Variants in COL4A6 observed in about 807,000 individuals in gnomAD.
COL4A6 encodes the protein collagen type IV alpha 6 chain, also known as collagen alpha-6(IV) chain.
A neutral mutation model predicts 126.7 loss-of-function variants in COL4A6; 59 were observed. The observed-to-expected ratio is 0.47, with a 90% CI of 0.38 to 0.58. COL4A6 has a LOEUF of 0.58. COL4A6 is among the 20% of genes least tolerant of loss of function. COL4A6 has a pLI of 0.00. For missense variants in COL4A6, 1,285 were observed against 1,337.3 expected, an observed-to-expected ratio of 0.96 and a Z score of 0.61; for synonymous variants, 547 against 496.6, an observed-to-expected ratio of 1.10 and a Z score of -1.35.
In COL4A6 at chrX:108,156,464, ACCT is replaced by A. The variant is rs1370078599; in HGVS notation, c.*533_*535del. 1 of 113,813 alleles carries A rather than the reference ACCT, an allele frequency of 8.8e-6. No individual in the cohort carries two copies. The highest frequency in any genetic ancestry group is 3.2e-5 in the African/African-American group (1 of 30,779). 9.4% of individuals were successfully genotyped at this position (113,813 alleles called of 1,213,427 possible). On this transcript the variant is annotated 3_prime_UTR_variant, in exon 45 of 45. Coordinates refer to ENST00000334504, the MANE Select transcript of COL4A6 (RefSeq NM_033641.4). ...AGCTCACTCTGGGCTACTGGGTGGC[ACCT>A]CATTTCAATTCTCTTGCCTGCCTAG...
At chrX:108,190,310 C>T (rs1183659615) in intron 20 of COL4A6, 82 bp downstream of exon 20, 7 of 636,268 alleles carry the variant, frequency 1.1e-5, no homozygotes, top group Admixed American at 5.7e-5. Context: ...TTTAGGTTCC[C>T]GAGGCTGTTG....
chrX:108,232,313 A>C (rs761407589), intron 3 of COL4A6, among the ~76,000 whole-genome samples: 74 of 111,994 alleles, frequency 6.6e-4, no homozygotes, highest in Non-Finnish European at 1.1e-3. Flanking sequence ...AAGAATAAAA[A>C]AATCACATAA....
At chrX:108,266,154 A>C (rs189538719) in intron 3 of COL4A6, among the ~76,000 whole-genome samples, 363 of 111,629 alleles carry the variant, frequency 3.3e-3, no homozygotes, top group Admixed American at 7.0e-3. Context: ...ACTTGGCTTA[A>C]AATGAACCTT....
rs2295920 is a variant in COL4A6, at chrX:108,214,121, G to C, written c.432C>G (p.Leu144=). ...ATATCTGGCAGCATACGGGTGGTCC[G>C]AGAAGCCCAGGATAGCCATCAGGGC... ...FPGPDGYPGL[L]GPPGLPGQKG... is the part of the protein sequence containing the mutation. The change falls in exon 6 of 45, where the codon CTC becomes CTG. Residue 144 remains leucine (L), a synonymous_variant. Coordinates refer to ENST00000334504, the MANE Select transcript of COL4A6 (RefSeq NM_033641.4). 8.3e-7 allele frequency: 1 copy of C among 1,205,204 alleles called. No individual in the cohort carries two copies. The highest frequency in any genetic ancestry group is 1.7e-5 in the African/African-American group (1 of 57,531).
intron 3 of COL4A6, among the ~76,000 whole-genome samples, chrX:108,298,232 A>G (rs779449461): frequency 1.8e-4 from 20 of 112,147 alleles, no homozygotes; most frequent in Non-Finnish European, 2.8e-4. Context: ...CTTCCAGTGT[A>G]GAAGCTGGTG....
At chrX:108,356,017 G>A (rs770420981) in intron 2 of COL4A6, among the ~76,000 whole-genome samples, 104 of 110,113 alleles carry the variant, frequency 9.4e-4, no homozygotes, top group African/African-American at 3.3e-3. Context: ...AAACCTAGGC[G>A]ATCTTGCTTG....
At position 108,321,571 on chromosome X, in the gene COL4A6, G is replaced by A. The variant is rs5973864; in HGVS notation, c.64-10743C>T. Among the ~76,000 whole-genome samples, 559 of 110,647 alleles carry A rather than the reference G, an allele frequency of 5.1e-3. 3 individuals carry two copies. Among genetic ancestry groups the A allele is most frequent in the African/African-American group, 0.017 (509 of 30,418 alleles). ...TAATTCTTATAACTACTTTTGAAAC[G>A]AATTATTTTTCATATGACCATTTTC... On this transcript the variant is annotated intron_variant, in intron 2 of 44. Coordinates refer to ENST00000334504, the MANE Select transcript of COL4A6 (RefSeq NM_033641.4).
chrX:108,414,889 A>T (rs1007315376), intron 2 of COL4A6, among the ~76,000 whole-genome samples: 1 of 111,963 alleles, frequency 8.9e-6, no homozygotes, highest in Non-Finnish European at 1.9e-5. Context: ...AGGATCATGG[A>T]TCACCAGTTT....
chrX:108,183,619 G>A lies in COL4A6; in HGVS notation c.1952-2651C>T. The A allele has an allele frequency of 6.0e-6, 3 of 501,873 alleles. 1 individual carries two copies. The highest frequency in any genetic ancestry group is 8.3e-6 in the Non-Finnish European group (3 of 359,665). The allele number at this position is 501,873 out of a possible 1,213,427, so 41.4% of individuals were successfully genotyped here. A position where few individuals can be genotyped will look rare whatever the true frequency, so the allele number is the denominator to read the frequency against. On this transcript the variant is annotated intron_variant, in intron 23 of 44. Coordinates refer to ENST00000334504, the MANE Select transcript of COL4A6 (RefSeq NM_033641.4). ...CCACTCCCCAAACAGGGCATCCAGT[G>A]TGGTGCTCAGGCCATCGTGACTGTC... is the stretch of plus-strand genomic sequence containing the variant.
At chrX:108,232,683 T>C (rs2095692768) in intron 3 of COL4A6, among the ~76,000 whole-genome samples, 1 of 111,893 alleles carries the variant, frequency 8.9e-6, no homozygotes, top group Admixed American at 9.5e-5. Flanking sequence ...TCCAACCTTC[T>C]AGCTGTATGA....
chrX:108,227,043 C>T (rs1282679010), intron 3 of COL4A6, among the ~76,000 whole-genome samples: 1 of 111,771 alleles, frequency 8.9e-6, no homozygotes, highest in Non-Finnish European at 1.9e-5. Context: ...CTTTTGGGCT[C>T]TAACCAAGAT....
intron 3 of COL4A6, among the ~76,000 whole-genome samples, chrX:108,227,436 G>T (rs990606132): frequency 1.8e-5 from 2 of 111,152 alleles, no homozygotes; most frequent in African/African-American, 6.6e-5. Flanking sequence ...TGTGGCCAAG[G>T]TGGTCAGGCC....
Position 108,175,597 on chromosome X carries a change from A to T in COL4A6, c.2830+57T>A. On this transcript the variant is annotated intron_variant, in intron 29 of 44. Coordinates refer to ENST00000334504, the MANE Select transcript of COL4A6 (RefSeq NM_033641.4). ...ACAGGAATAACCAAGTCAACAAACAAAATATATATATTGAAAAGCATGGGC... is the reference window on the plus strand; with the variant it reads ...ACAGGAATAACCAAGTCAACAAACATAATATATATATTGAAAAGCATGGGC... 4 of 1,127,789 alleles carry T rather than the reference A, an allele frequency of 3.5e-6. No homozygotes were observed. The South Asian group carries it at 8.2e-5, about 23-fold the overall frequency. The allele number at this position is 1,127,789 out of a possible 1,213,427, so 92.9% of individuals were successfully genotyped here.
chrX:108,387,002 G>A (rs2040714819), intron 2 of COL4A6, among the ~76,000 whole-genome samples: 1 of 111,633 alleles, frequency 9.0e-6, no homozygotes, highest in Non-Finnish European at 1.9e-5. Context: ...CTTTTGTCTG[G>A]TTTGTCAAAG....
At chrX:108,195,273 G>C in intron 14 of COL4A6, 147 bp from the exon 15 acceptor site, 2 of 323,499 alleles carry the variant, frequency 6.2e-6, no homozygotes, top group Admixed American at 5.1e-5. Flanking sequence ...CTAGCTTAAC[G>C]ACTTTTTTTT....
At chrX:108,162,208 G>T (rs1248087715) in intron 41 of COL4A6, among the ~76,000 whole-genome samples, 8 of 110,468 alleles carry the variant, frequency 7.2e-5, no homozygotes, top group Non-Finnish European at 1.5e-4. Flanking sequence ...AAATTAGCTG[G>T]GTGTGGTGGT....
Position 108,190,502 on chromosome X carries a change from G to T in COL4A6, c.1322-6C>A, listed in dbSNP as rs373446899. The stretch of plus-strand genomic sequence containing the variant: ...TTCAGTCTCAAATTCTGGACCTTTG[G>T]GTAAAAAAAAGATAAAGGATTAGCA... On this transcript the variant is annotated splice_polypyrimidine_tract_variant and splice_region_variant and intron_variant, in intron 19 of 44. Coordinates refer to ENST00000334504, the MANE Select transcript of COL4A6 (RefSeq NM_033641.4). 1.1e-5 allele frequency: 13 copies of T among 1,143,926 alleles called. No homozygotes were observed. Among genetic ancestry groups the T allele is most frequent in the Non-Finnish European group, 1.5e-5 (13 of 840,848 alleles). The allele number at this position is 1,143,926 out of a possible 1,213,427, so 94.3% of individuals were successfully genotyped here. A position where few individuals can be genotyped will look rare whatever the true frequency, so the allele number is the denominator to read the frequency against.
At chrX:108,238,112 GTT>G (rs376912396) in intron 3 of COL4A6, among the ~76,000 whole-genome samples, 1 of 93,731 alleles carries the variant, frequency 1.1e-5, no homozygotes. Flanking sequence ...GTGTGTGTGT[GTT>G]TTTTTTTTTT....
At chrX:108,220,437 C>T (rs999018260) in intron 4 of COL4A6, among the ~76,000 whole-genome samples, 12 of 111,972 alleles carry the variant, frequency 1.1e-4, no homozygotes, top group Admixed American at 9.4e-4. Context: ...GTGAGGGAAT[C>T]GTTCCCTCAC....
Sources: allele counts gnomAD v4.1 joint callset (sites outside exome capture counted in the v4.1 genomes callset), GRCh38; gene constraint gnomAD v4.1.1; transcripts MANE v1.5; gene names NCBI Gene and HGNC (gene_info 2026-07-23, HGNC 2026-07-21).